Variants in DENND1A observed in about 807,000 individuals in gnomAD.
The protein encoded by DENND1A is DENN domain containing 1A, also known as DENN domain-containing protein 1A.
In DENND1A, 51 loss-of-function variants were observed where a neutral mutation model predicts 113.7. The ratio of observed to expected loss-of-function variants is 0.45; its 90% CI spans 0.36 to 0.57. DENND1A has a LOEUF of 0.57. Ranked by LOEUF, DENND1A falls within the 20% of genes least tolerant of loss-of-function variation. DENND1A has a pLI of 0.00. For missense variants in DENND1A, 1,258 were observed against 1,395.9 expected, an observed-to-expected ratio of 0.90 and a Z score of 1.57; for synonymous variants, 565 against 570.8, an observed-to-expected ratio of 0.99 and a Z score of 0.14.
In DENND1A at chr9:123,422,114, C is replaced by T. The variant is rs187974531; in HGVS notation, c.1489-10285G>A. Reference sequence around the variant, plus strand: ...CTGTCCTTCCCCTAAGAAGGTGAGTCCTTGAGGGTTCACATCTGGCTCCTG... The same window carrying T: ...CTGTCCTTCCCCTAAGAAGGTGAGTTCTTGAGGGTTCACATCTGGCTCCTG... On this transcript the variant is annotated intron_variant, in intron 19 of 23. Transcript: ENST00000394215. This position sits in a 1 kb window ranked among gnomAD's most constrained non-coding sequence, Gnocchi z 4.8. Among the ~76,000 whole-genome samples, 5 of 152,356 alleles carry T rather than the reference C, an allele frequency of 3.3e-5. No homozygotes were observed. The highest frequency in any genetic ancestry group is 5.9e-5 in the Non-Finnish European group (4 of 68,038).
chr9:123,420,436 G>C (rs1463377864), intron 19 of DENND1A, among the ~76,000 whole-genome samples: 1 of 152,104 alleles, frequency 6.6e-6, no homozygotes. Flanking sequence ...ATGAGGGGGT[G>C]CTCAGGATCG....
chr9:123,632,865 C>G (rs1163573246), intron 9 of DENND1A, among the ~76,000 whole-genome samples: 2 of 152,102 alleles, frequency 1.3e-5, no homozygotes, highest in African/African-American at 4.8e-5. Flanking sequence ...TCTTCAAAGT[C>G]TTCCCTGGTT....
intron 13 of DENND1A, among the ~76,000 whole-genome samples, chr9:123,557,152 C>T (rs1336707224): frequency 6.6e-6 from 1 of 152,196 alleles, no homozygotes; most frequent in Non-Finnish European, 1.5e-5. Flanking sequence ...AAAGCAGGGG[C>T]TCCGGGGCCA....
intron 5 of DENND1A, among the ~76,000 whole-genome samples, chr9:123,749,930 A>G (rs2069859088): frequency 6.6e-6 from 1 of 152,220 alleles, no homozygotes; most frequent in Non-Finnish European, 1.5e-5. Flanking sequence ...AAAATAAAAA[A>G]TCCCTTTTAG....
At chr9:123,450,806 GC>G (rs1554823107) in intron 17 of DENND1A, 57 bp from the exon 18 acceptor site, 1 of 1,440,290 alleles carries the variant, frequency 6.9e-7, no homozygotes, top group Non-Finnish European at 9.6e-7. Context: ...CAGGGACTAT[GC>G]TTGATTTCAG....
intron 13 of DENND1A, among the ~76,000 whole-genome samples, chr9:123,554,660 T>C (rs10115339): frequency 0.1 from 15,202 of 152,204 alleles, 1,389 homozygotes; most frequent in African/African-American, 0.23. Flanking sequence ...ATGAACAGGA[T>C]TGAAAGGCTG....
At chr9:123,483,478 G>A (rs2050524737) in intron 13 of DENND1A, among the ~76,000 whole-genome samples, 2 of 152,362 alleles carry the variant, frequency 1.3e-5, no homozygotes, top group South Asian at 2.1e-4. Flanking sequence ...CAGCCTCTGT[G>A]TGCAGACAGT....
chr9:123,683,730 A>G (rs1750447872), intron 5 of DENND1A, among the ~76,000 whole-genome samples: 1 of 152,148 alleles, frequency 6.6e-6, no homozygotes, highest in Non-Finnish European at 1.5e-5. Flanking sequence ...ATTGGTGTCA[A>G]CTCCATGAGA....
chr9:123,415,703 C>A (rs2044668920), intron 19 of DENND1A, among the ~76,000 whole-genome samples: 1 of 152,212 alleles, frequency 6.6e-6, no homozygotes, highest in Non-Finnish European at 1.5e-5. Context: ...TTCCCTGGGC[C>A]TCTGTGTCCT....
At chr9:123,464,705 T>C (rs965717234) in intron 13 of DENND1A, among the ~76,000 whole-genome samples, 2 of 152,138 alleles carry the variant, frequency 1.3e-5, no homozygotes, top group African/African-American at 2.4e-5. Context: ...ATAGTTAAGA[T>C]GGCAAATTTT....
chr9:123,416,171 T>C (rs1228207291), intron 19 of DENND1A, among the ~76,000 whole-genome samples: 3 of 152,082 alleles, frequency 2.0e-5, no homozygotes, highest in Non-Finnish European at 4.4e-5. Flanking sequence ...CTGGAGTGGT[T>C]CCTCTCCCAT....
chr9:123,860,076 C>T (rs1844843367), intron 2 of DENND1A, among the ~76,000 whole-genome samples: 1 of 152,124 alleles, frequency 6.6e-6, no homozygotes, highest in Admixed American at 6.5e-5. Context: ...TGGTAATCAG[C>T]TAGGAAAGAG....
At chr9:123,454,466 A>G (rs2047962589) in intron 16 of DENND1A, among the ~76,000 whole-genome samples, 1 of 152,210 alleles carries the variant, frequency 6.6e-6, no homozygotes, top group Non-Finnish European at 1.5e-5. Context: ...GAATGCTCTA[A>G]GACAGCAACA....
Position 123,587,601 on chromosome 9 carries a change from G to A in DENND1A, c.766-4331C>T, listed in dbSNP as rs926358607. The stretch of plus-strand genomic sequence containing the variant: ...CGTCCGTTTATAGGCTCTCCACAAG[G>A]GTCGTATTCCATTCCCAGAGCTATG... On this transcript the variant is annotated intron_variant, in intron 11 of 23. Transcript: ENST00000394215. Among the ~76,000 whole-genome samples the A allele has an allele frequency of 7.2e-5, 11 of 152,164 alleles. No homozygotes were observed. In the East Asian group the frequency reaches 1.9e-3, roughly 27 times the overall value.
chr9:123,650,961 A>G (rs1486715855), intron 9 of DENND1A, among the ~76,000 whole-genome samples: 1 of 151,564 alleles, frequency 6.6e-6, no homozygotes, highest in East Asian at 1.9e-4. Flanking sequence ...TGGATGATAA[A>G]TAGTTGAATA....
At chr9:123,424,207 G>A (rs540650595) in intron 19 of DENND1A, among the ~76,000 whole-genome samples, 22 of 152,280 alleles carry the variant, frequency 1.4e-4, no homozygotes, top group Non-Finnish European at 2.8e-4. Flanking sequence ...TCTAGTCTGG[G>A]TTGCTGAGGG....
At chr9:123,399,782 C>T (rs756032798) in intron 21 of DENND1A, among the ~76,000 whole-genome samples, 8 of 152,220 alleles carry the variant, frequency 5.3e-5, no homozygotes, top group African/African-American at 9.6e-5. Flanking sequence ...TGAAGGGCCC[C>T]GTTCCAAGGA....
chr9:123,538,669 G>A (rs6478622), intron 13 of DENND1A, among the ~76,000 whole-genome samples: 32,534 of 148,600 alleles, frequency 0.22, 3,965 homozygotes, highest in African/African-American at 0.32. Flanking sequence ...AAAATTAAAA[G>A]TAATTAAATA....
chr9:123,546,274 C>A (rs995949417), intron 13 of DENND1A, among the ~76,000 whole-genome samples: 1 of 151,994 alleles, frequency 6.6e-6, no homozygotes, highest in African/African-American at 2.4e-5. Flanking sequence ...ATTGGCCGGG[C>A]GAGGTGGCTC....
Sources: allele counts gnomAD v4.1 joint callset (sites outside exome capture counted in the v4.1 genomes callset), GRCh38; gene constraint gnomAD v4.1.1; non-coding constraint Gnocchi (gnomAD v3.1); transcripts MANE v1.5; gene names NCBI Gene and HGNC (gene_info 2026-07-23, HGNC 2026-07-21).